Variants in ARHGAP10 observed in about 807,000 individuals in gnomAD.
ARHGAP10 encodes the protein Rho GTPase activating protein 10.
ARHGAP10 carries 87 observed loss-of-function variants against 108.6 expected under a neutral mutation model. That is an observed-to-expected ratio of 0.80 (90% CI 0.67 to 0.96). ARHGAP10 has a LOEUF of 0.96. Ranked by LOEUF, ARHGAP10 falls within the 40% of genes least tolerant of loss-of-function variation. The pLI is 0.00. For synonymous variants in ARHGAP10, 347 were observed against 341.1 expected (o/e 1.02, Z -0.19); for missense variants, 939 against 954.5 (o/e 0.98, Z 0.21).
chr4:147,982,430 T>TGCAATCAC lies in ARHGAP10; in HGVS notation c.1716+15593_1716+15600dup, dbSNP rs530094929. Among the ~76,000 whole-genome samples, 511 of 148,568 alleles carry TGCAATCAC rather than the reference T, an allele frequency of 3.4e-3. 3 individuals are homozygous for TGCAATCAC. Among genetic ancestry groups the TGCAATCAC allele is most frequent in the African/African-American group, 0.012 (490 of 40,182 alleles). On this transcript the variant is annotated intron_variant, in intron 18 of 22. Transcript: ENST00000336498. ...TGTTGCCCAGGCTGGAGTGCAGTGG[T>TGCAATCAC]GCAATCACGGCTCACTGCAGCCTTG... is the stretch of plus-strand genomic sequence containing the variant.
At chr4:147,994,152 A>AT (rs1259995429) in intron 18 of ARHGAP10, among the ~76,000 whole-genome samples, 6 of 152,122 alleles carry the variant, frequency 3.9e-5, no homozygotes, top group Admixed American at 3.3e-4. Context: ...ACAAGGCTGT[A>AT]TTTTTTTCCT....
chr4:147,762,531 T>G (rs992561938), intron 1 of ARHGAP10, among the ~76,000 whole-genome samples: 24 of 103,866 alleles, frequency 2.3e-4, no homozygotes, highest in African/African-American at 7.5e-4. Context: ...TTTATTTATT[T>G]ATTTATTTAT....
chr4:147,992,986 A>G (rs189289404), intron 18 of ARHGAP10, among the ~76,000 whole-genome samples: 210 of 152,352 alleles, frequency 1.4e-3, no homozygotes, highest in African/African-American at 4.6e-3. Context: ...TCAGGACATT[A>G]TTAGTCATTA....
At chr4:147,843,899 A>T (rs1733520066) in intron 3 of ARHGAP10, among the ~76,000 whole-genome samples, 1 of 152,062 alleles carries the variant, frequency 6.6e-6, no homozygotes. Flanking sequence ...TCATTTCCTG[A>T]TCTGAGTACT....
intron 19 of ARHGAP10, among the ~76,000 whole-genome samples, chr4:148,043,803 T>C (rs1728761232): frequency 1.4e-5 from 2 of 147,774 alleles, no homozygotes; most frequent in South Asian, 4.2e-4. Flanking sequence ...TATATATGCA[T>C]TCATTCCAGA....
At position 148,071,989 on chromosome 4, in the gene ARHGAP10, T is replaced by G; in HGVS notation, c.2273-4T>G. The G allele has an allele frequency of 6.2e-7, 1 of 1,611,456 alleles. No homozygotes were observed. Among genetic ancestry groups the G allele is most frequent in the East Asian group, 2.2e-5 (1 of 44,732 alleles). ...GTAAAAGTGATTTTTCTCTTCCTTTTCAGTACAAACCTCCAGGGAACCTGG... is the reference window on the plus strand; with the variant it reads ...GTAAAAGTGATTTTTCTCTTCCTTTGCAGTACAAACCTCCAGGGAACCTGG... On this transcript the variant is annotated splice_region_variant and splice_polypyrimidine_tract_variant and intron_variant, in intron 22 of 22. Transcript: ENST00000336498.
intron 1 of ARHGAP10, among the ~76,000 whole-genome samples, chr4:147,808,375 G>C (rs1051872580): frequency 6.6e-6 from 1 of 152,010 alleles, no homozygotes; most frequent in Admixed American, 6.6e-5. Context: ...GCTGGAGTTA[G>C]GTTAGCTTAG....
At chr4:147,903,283 C>CA (rs1363407742) in intron 10 of ARHGAP10, among the ~76,000 whole-genome samples, 1 of 151,844 alleles carries the variant, frequency 6.6e-6, no homozygotes, top group Non-Finnish European at 1.5e-5. Flanking sequence ...ACTCTGCATT[C>CA]AAAAAAAACT....
chr4:147,774,908 A>AT (rs879445853), intron 1 of ARHGAP10, among the ~76,000 whole-genome samples: 10,721 of 138,394 alleles, frequency 0.077, 1,096 homozygotes, highest in African/African-American at 0.24. Flanking sequence ...TCCTTGATGT[A>AT]TTTTTTTTTT....
At chr4:147,991,218 GT>G (rs558096459) in intron 18 of ARHGAP10, among the ~76,000 whole-genome samples, 157 of 152,028 alleles carry the variant, frequency 1.0e-3, no homozygotes, top group African/African-American at 3.6e-3. Context: ...GCTTCTCTGG[GT>G]ATGTTAGCGG....
At chr4:147,954,331 C>T (rs1351910585) in intron 15 of ARHGAP10, among the ~76,000 whole-genome samples, 3 of 151,938 alleles carry the variant, frequency 2.0e-5, no homozygotes, top group East Asian at 1.9e-4. Flanking sequence ...GCCCATTTCT[C>T]CTTGTAGTTC....
intron 16 of ARHGAP10, among the ~76,000 whole-genome samples, chr4:147,964,296 C>G (rs1183284562): frequency 6.6e-6 from 1 of 152,188 alleles, no homozygotes; most frequent in Non-Finnish European, 1.5e-5. Context: ...TAATTTAAAC[C>G]AGCCGGTCCT....
At position 147,847,145 on chromosome 4, in the gene ARHGAP10, C is replaced by T. The variant is rs1733667500; in HGVS notation, c.313-6C>T. On this transcript the variant is annotated splice_polypyrimidine_tract_variant and splice_region_variant and intron_variant, in intron 3 of 22. Transcript: ENST00000336498. ...GTGCTCTTTTGTTATCACTCTTGTT[C>T]TCTAGGCATTAAGTGTAACTGAAAC... 1.2e-6 allele frequency: 2 copies of T among 1,609,886 alleles called. No homozygotes were observed. The highest frequency in any genetic ancestry group is 2.7e-5 in the African/African-American group (2 of 74,782).
rs114060404 is a variant in ARHGAP10, at chr4:148,037,881, C to T, written c.1868-9011C>T. On this transcript the variant is annotated intron_variant, in intron 19 of 22. Coordinates refer to ENST00000336498, the MANE Select transcript of ARHGAP10 (RefSeq NM_024605.4). ...ATGGATGTCAGCTATATCCTTTGAT[C>T]TCTGTCAATCTTAAAATTCAATTGT... 5.8e-3 allele frequency among the ~76,000 whole-genome samples: 879 copies of T among 151,406 alleles called. 11 individuals are homozygous for T. Among genetic ancestry groups the T allele is most frequent in the African/African-American group, 0.017 (716 of 41,306 alleles).
At chr4:147,943,487 G>A (rs912975030) in intron 14 of ARHGAP10, among the ~76,000 whole-genome samples, 2 of 152,206 alleles carry the variant, frequency 1.3e-5, no homozygotes, top group African/African-American at 4.8e-5. Context: ...ACCTAAGTCA[G>A]TGTTGAGTAG....
chr4:147,758,137 C>T (rs1019658198), intron 1 of ARHGAP10, among the ~76,000 whole-genome samples: 1 of 152,114 alleles, frequency 6.6e-6, no homozygotes, highest in Non-Finnish European at 1.5e-5. Context: ...GTAGCACATG[C>T]CTATAATCCT....
In ARHGAP10 at chr4:148,023,270, G is replaced by A. The variant is rs372199389; in HGVS notation, c.1724G>A (p.Arg575Gln). The A allele has an allele frequency of 7.0e-5, 113 of 1,613,222 alleles. No individual in the cohort carries two copies. The highest frequency in any genetic ancestry group is 6.7e-5 in the Admixed American group (4 of 59,974). The change falls in exon 19 of 23, where the codon CGG (arginine) becomes CAG (glutamine). Residue 575 changes from arginine (R) to glutamine (Q), a missense_variant. Coordinates refer to ENST00000336498, the MANE Select transcript of ARHGAP10 (RefSeq NM_024605.4). ...ILIENHEKIF[R>Q]TPPDTTFPEP... The stretch of plus-strand genomic sequence containing the variant: ...TTTATGCTTTGTTGGAAGATTTTTC[G>A]GACGCCGCCCGATACTACATTCCCT...
At chr4:148,063,342 A>G (rs1037220272) in intron 21 of ARHGAP10, 42 bp downstream of exon 21, 5 of 1,611,804 alleles carry the variant, frequency 3.1e-6, no homozygotes, top group Non-Finnish European at 4.2e-6. Flanking sequence ...GTGGCAGCAC[A>G]CACAGGGGGC....
intron 3 of ARHGAP10, among the ~76,000 whole-genome samples, chr4:147,833,895 A>G (rs1198431615): frequency 6.6e-6 from 1 of 152,194 alleles, no homozygotes; most frequent in Non-Finnish European, 1.5e-5. Flanking sequence ...TGTGGCAGCC[A>G]TGGGCACCTC....
Sources: gnomAD v4.1 joint callset for allele counts (sites outside exome capture counted in the v4.1 genomes callset) on GRCh38, gnomAD v4.1.1 for gene constraint, MANE v1.5 for transcripts, NCBI Gene and HGNC (gene_info 2026-07-23, HGNC 2026-07-21) for gene names.